STAG1: variants seen among roughly 807,000 people sequenced by gnomAD.
The protein encoded by STAG1 is STAG1 cohesin complex component, also known as cohesin subunit SA-1.
A neutral mutation model predicts 170.9 loss-of-function variants in STAG1; 26 were observed. The observed-to-expected ratio is 0.15, with a 90% CI of 0.11 to 0.21. STAG1 has a LOEUF of 0.21. Among genes scored for constraint, STAG1 ranks in the 10% least tolerant of loss-of-function variants. The pLI is 1.00. For synonymous variants in STAG1, 514 were observed against 497.7 expected (o/e 1.03, Z -0.44); for missense variants, 964 against 1,509.5 (o/e 0.64, Z 5.99).
intron 2 of STAG1, among the ~76,000 whole-genome samples, chr3:136,627,961 C>G (rs1940178927): frequency 6.6e-6 from 1 of 152,154 alleles, no homozygotes; most frequent in South Asian, 2.1e-4. Context: ...TATACTGCAC[C>G]AAGTAACTTT....
intron 1 of STAG1, among the ~76,000 whole-genome samples, chr3:136,720,951 A>G (rs1043622899): frequency 6.6e-6 from 1 of 152,206 alleles, no homozygotes; most frequent in Non-Finnish European, 1.5e-5. Flanking sequence ...ATACCTATTT[A>G]TTACCAATAC....
intron 1 of STAG1, chr3:136,736,597 C>A: frequency 1.3e-6 from 2 of 1,571,942 alleles, no homozygotes; most frequent in Non-Finnish European, 1.7e-6. Flanking sequence ...CAGCTGTCCA[C>A]ACAACCATCT....
chr3:136,493,394 C>G (rs1330949907), intron 9 of STAG1, among the ~76,000 whole-genome samples: 1 of 152,012 alleles, frequency 6.6e-6, no homozygotes, highest in Non-Finnish European at 1.5e-5. Context: ...ATGGCTCACA[C>G]CTGTAATCCC....
chr3:136,423,862 T>A (rs932585657), intron 16 of STAG1, among the ~76,000 whole-genome samples: 5 of 151,854 alleles, frequency 3.3e-5, no homozygotes, highest in African/African-American at 9.7e-5. Context: ...TCTTTTTTTT[T>A]TTTATTTTTT....
At chr3:136,403,224 T>TAAAAAAAAAAAAAAAAAAAAAAAA (rs55678408) in intron 21 of STAG1, among the ~76,000 whole-genome samples, 25 of 33,598 alleles carry the variant, frequency 7.4e-4, no homozygotes, top group African/African-American at 1.7e-3. Flanking sequence ...GAGACTGTCT[T>TAAAAAAAAAAAAAAAAAAAAAAAA]AAAAAAAAAA....
chr3:136,540,852 A>AAAAAAAAAAAAAAAAAAAAAAAAAAAAAT (rs1935861438), intron 6 of STAG1, among the ~76,000 whole-genome samples: 1 of 141,292 alleles, frequency 7.1e-6, no homozygotes, highest in Admixed American at 7.2e-5. Context: ...AAAAAAAAAA[A>AAAAAAAAAAAAAAAAAAAAAAAAAAAAAT]CCTATATATT....
At chr3:136,417,796 T>C (rs1168019013) in intron 21 of STAG1, 89 bp downstream of exon 21, 2 of 938,832 alleles carry the variant, frequency 2.1e-6, no homozygotes, top group Non-Finnish European at 3.4e-6. Flanking sequence ...AATCGTCAAT[T>C]ACTTTCTATA....
intron 1 of STAG1, among the ~76,000 whole-genome samples, chr3:136,686,113 A>T (rs562176742): frequency 6.6e-6 from 1 of 152,220 alleles, no homozygotes; most frequent in Non-Finnish European, 1.5e-5. Context: ...TTAAGATTAC[A>T]GCAGGTTGTT....
intron 4 of STAG1, among the ~76,000 whole-genome samples, chr3:136,583,324 T>C (rs113828186): frequency 1.2e-3 from 177 of 152,262 alleles, no homozygotes; most frequent in African/African-American, 2.5e-3. Context: ...GAACTCAATA[T>C]AATATCTATA....
At chr3:136,579,057 C>G (rs1937538239) in intron 4 of STAG1, among the ~76,000 whole-genome samples, 1 of 152,188 alleles carries the variant, frequency 6.6e-6, no homozygotes, top group African/African-American at 2.4e-5. Flanking sequence ...TCTATTACAT[C>G]TTCATTTAAC....
At chr3:136,582,165 T>C (rs936623963) in intron 4 of STAG1, among the ~76,000 whole-genome samples, 2 of 138,946 alleles carry the variant, frequency 1.4e-5, no homozygotes, top group Admixed American at 8.1e-5. Flanking sequence ...GTTCCTGCTA[T>C]AGGAAAACAT....
chr3:136,590,628 A>G (rs1489704357), intron 4 of STAG1, among the ~76,000 whole-genome samples: 1 of 152,236 alleles, frequency 6.6e-6, no homozygotes, highest in African/African-American at 2.4e-5. Context: ...ATTGTAAAAT[A>G]TCCTGGACCA....
intron 5 of STAG1, among the ~76,000 whole-genome samples, chr3:136,552,810 ACT>A (rs1404260255): frequency 6.6e-6 from 1 of 152,148 alleles, no homozygotes; most frequent in Admixed American, 6.5e-5. Flanking sequence ...AAAATCTCAA[ACT>A]CTCTATTCAA....
At chr3:136,697,224 T>C (rs1432911979) in intron 1 of STAG1, among the ~76,000 whole-genome samples, 1 of 152,210 alleles carries the variant, frequency 6.6e-6, no homozygotes, top group Non-Finnish European at 1.5e-5. Context: ...ACACTTTCTA[T>C]GTTGCTTATG....
intron 6 of STAG1, among the ~76,000 whole-genome samples, chr3:136,540,869 C>T (rs1380272169): frequency 7.9e-6 from 1 of 126,488 alleles, no homozygotes; most frequent in Non-Finnish European, 1.7e-5. Flanking sequence ...TATTTATTTT[C>T]CTGAATTTCT....
chr3:136,468,300 C>T (rs1484817546), intron 12 of STAG1, among the ~76,000 whole-genome samples: 6 of 151,708 alleles, frequency 4.0e-5, no homozygotes, highest in South Asian at 4.2e-4. Flanking sequence ...ATCAAATAGA[C>T]GCAATAAAAA....
intron 30 of STAG1, among the ~76,000 whole-genome samples, chr3:136,341,788 C>A (rs1176785512): frequency 1.3e-5 from 2 of 152,240 alleles, no homozygotes; most frequent in Non-Finnish European, 2.9e-5. Flanking sequence ...CAAATCTCTG[C>A]CAAACAAGGG....
At chr3:136,741,603 G>A (rs1934673891) in intron 1 of STAG1, among the ~76,000 whole-genome samples, 1 of 151,994 alleles carries the variant, frequency 6.6e-6, no homozygotes, top group South Asian at 2.1e-4. Context: ...TAAGTAGCTG[G>A]GATTACAGGC....
chr3:136,536,720 A>C (rs1036270112), intron 6 of STAG1, among the ~76,000 whole-genome samples: 1 of 151,346 alleles, frequency 6.6e-6, no homozygotes, highest in Non-Finnish European at 1.5e-5. Context: ...AAAAAAAAAA[A>C]AAAAAACTAC....
Sources: allele counts gnomAD v4.1 joint callset (sites outside exome capture counted in the v4.1 genomes callset), GRCh38; gene constraint gnomAD v4.1.1; transcripts MANE v1.5; gene names NCBI Gene and HGNC (gene_info 2026-07-23, HGNC 2026-07-21).